LRRC4C: variants seen among roughly 807,000 people sequenced by gnomAD.
LRRC4C encodes leucine rich repeat containing 4C.
A neutral mutation model predicts 33.6 loss-of-function variants in LRRC4C; 5 were observed. The ratio of observed to expected loss-of-function variants is 0.15; its 90% confidence interval spans 0.08 to 0.31. The LOEUF is 0.31. LRRC4C is among the 10% of genes least tolerant of loss of function. The pLI is 1.00. For missense variants in LRRC4C, 560 were observed against 796.7 expected (o/e 0.70, Z 3.58); for synonymous variants, 329 against 302.0 (o/e 1.09, Z -0.93).
intron 1 of LRRC4C, among the ~76,000 whole-genome samples, chr11:41,316,594 C>T (rs1221872907): frequency 2.0e-5 from 3 of 152,142 alleles, no homozygotes; most frequent in Non-Finnish European, 4.4e-5. Flanking sequence ...TAAGGATCTA[C>T]GTTCTGATTC....
At chr11:40,764,989 C>T (rs955674888) in intron 2 of LRRC4C, among the ~76,000 whole-genome samples, 8 of 152,126 alleles carry the variant, frequency 5.3e-5, no homozygotes, top group African/African-American at 1.7e-4. Flanking sequence ...TAGGTACAAA[C>T]TATTAATATA....
At chr11:41,252,719 A>T (rs1321127177) in intron 1 of LRRC4C, among the ~76,000 whole-genome samples, 1 of 152,154 alleles carries the variant, frequency 6.6e-6, no homozygotes, top group East Asian at 1.9e-4. Flanking sequence ...AAGGAAAGAG[A>T]TTTAATTGAC....
intron 3 of LRRC4C, among the ~76,000 whole-genome samples, chr11:40,612,345 T>C (rs543340317): frequency 6.6e-5 from 10 of 151,956 alleles, no homozygotes; most frequent in Admixed American, 2.0e-4. Context: ...AGTAAATTCA[T>C]AGAAGCAGAA....
intron 3 of LRRC4C, among the ~76,000 whole-genome samples, chr11:40,641,742 T>C (rs933990763): frequency 6.6e-6 from 1 of 152,214 alleles, no homozygotes; most frequent in Non-Finnish European, 1.5e-5. Context: ...TTGCTCTCCA[T>C]CAGGGTTCTT....
intron 6 of LRRC4C, among the ~76,000 whole-genome samples, chr11:40,128,226 G>A (rs765400528): frequency 2.6e-5 from 4 of 152,268 alleles, no homozygotes; most frequent in Non-Finnish European, 4.4e-5. Flanking sequence ...CACTGAAAGC[G>A]AATCCCCAAA....
intron 1 of LRRC4C, among the ~76,000 whole-genome samples, chr11:41,366,446 G>T (rs1354186993): frequency 1.3e-5 from 2 of 151,960 alleles, no homozygotes; most frequent in Non-Finnish European, 2.9e-5. Context: ...TAGTAACAGG[G>T]TAATTTGAAA....
intron 5 of LRRC4C, among the ~76,000 whole-genome samples, chr11:40,159,828 C>T (rs1263045386): frequency 6.6e-6 from 1 of 152,108 alleles, no homozygotes; most frequent in Non-Finnish European, 1.5e-5. Context: ...TATATGCCTG[C>T]TATCAAAATA....
intron 1 of LRRC4C, among the ~76,000 whole-genome samples, chr11:41,332,127 G>A (rs1490263319): frequency 1.3e-5 from 2 of 151,978 alleles, no homozygotes; most frequent in Non-Finnish European, 2.9e-5. Flanking sequence ...TCACAGAGTC[G>A]AAGCTTAGTA....
At chr11:40,534,013 T>A (rs949886359) in intron 3 of LRRC4C, among the ~76,000 whole-genome samples, 1 of 152,166 alleles carries the variant, frequency 6.6e-6, no homozygotes, top group Non-Finnish European at 1.5e-5. Flanking sequence ...GAGGCACATG[T>A]GCTAATGATT....
At chr11:40,987,232 A>G (rs1246295472) in intron 1 of LRRC4C, among the ~76,000 whole-genome samples, 1 of 152,194 alleles carries the variant, frequency 6.6e-6, no homozygotes, top group Non-Finnish European at 1.5e-5. Context: ...GTCCATAAAA[A>G]GATGGAGAAG....
intron 2 of LRRC4C, among the ~76,000 whole-genome samples, chr11:40,849,102 A>C (rs1953350470): frequency 1.3e-5 from 2 of 152,178 alleles, no homozygotes; most frequent in South Asian, 4.1e-4. Flanking sequence ...CCAATTTGCC[A>C]GTCTGTGCCT....
At chr11:40,225,709 C>A (rs548854195) in intron 5 of LRRC4C, among the ~76,000 whole-genome samples, 1 of 151,842 alleles carries the variant, frequency 6.6e-6, no homozygotes, top group African/African-American at 2.4e-5. Context: ...TTCCGCCTCC[C>A]GGGTTCAAGC....
chr11:41,188,983 C>T (rs1418239906), intron 1 of LRRC4C, among the ~76,000 whole-genome samples: 1 of 147,696 alleles, frequency 6.8e-6, no homozygotes, highest in Non-Finnish European at 1.5e-5. Context: ...AAAATTATAA[C>T]CCACGATCAA....
At chr11:40,540,234 A>G (rs1309676421) in intron 3 of LRRC4C, among the ~76,000 whole-genome samples, 1 of 152,194 alleles carries the variant, frequency 6.6e-6, no homozygotes, top group Admixed American at 6.6e-5. Flanking sequence ...TAAGTGCTGA[A>G]CTGAATAGGT....
chr11:41,004,903 G>C (rs940125978), intron 1 of LRRC4C, among the ~76,000 whole-genome samples: 3 of 152,082 alleles, frequency 2.0e-5, no homozygotes, highest in Non-Finnish European at 2.9e-5. Context: ...AACTATCATG[G>C]ATGCTAAAAG....
chr11:41,365,106 C>A (rs1013764469), intron 1 of LRRC4C, among the ~76,000 whole-genome samples: 1 of 152,056 alleles, frequency 6.6e-6, no homozygotes, highest in Non-Finnish European at 1.5e-5. Context: ...ATCAGGAGAC[C>A]AAGCAAAGTT....
At chr11:41,295,222 A>G (rs1950103994) in intron 1 of LRRC4C, among the ~76,000 whole-genome samples, 1 of 152,200 alleles carries the variant, frequency 6.6e-6, no homozygotes, top group Non-Finnish European at 1.5e-5. Flanking sequence ...ATCACACTTT[A>G]TGGAAAGGCT....
At chr11:41,100,041 T>C (rs1941071330) in intron 1 of LRRC4C, among the ~76,000 whole-genome samples, 1 of 152,086 alleles carries the variant, frequency 6.6e-6, no homozygotes, top group South Asian at 2.1e-4. Context: ...AGTATTCCTA[T>C]GCAACAACCA....
intron 3 of LRRC4C, among the ~76,000 whole-genome samples, chr11:40,476,350 T>C (rs202179933): frequency 1.8e-4 from 22 of 123,706 alleles, no homozygotes; most frequent in East Asian, 9.5e-4. Context: ...TTCTTTTTTT[T>C]TTTTTTTTTT....
Sources: allele counts gnomAD v4.1 joint callset (sites outside exome capture counted in the v4.1 genomes callset), GRCh38; gene constraint gnomAD v4.1.1; transcripts MANE v1.5; gene names NCBI Gene and HGNC (gene_info 2026-07-23, HGNC 2026-07-21).